THSD7B: variants seen among roughly 807,000 people sequenced by gnomAD.
THSD7B encodes thrombospondin type-1 domain-containing protein 7B.
Under a neutral mutation model 213.6 loss-of-function variants are expected in THSD7B, and 138 were observed. The observed-to-expected ratio is 0.65, with a 90% CI of 0.56 to 0.74. The LOEUF is 0.74. Ranked by LOEUF, THSD7B falls within the 30% of genes least tolerant of loss-of-function variation. The pLI is 0.00. For missense variants in THSD7B, 1,931 were observed against 1,991.5 expected (o/e 0.97, Z 0.58); for synonymous variants, 742 against 687.0 (o/e 1.08, Z -1.25).
chr2:137,045,996 G>T (rs367906717), intron 2 of THSD7B, among the ~76,000 whole-genome samples: 2 of 151,894 alleles, frequency 1.3e-5, no homozygotes, highest in East Asian at 3.9e-4. Flanking sequence ...ACAGAGAAGA[G>T]ACTTTTTCTC....
intron 12 of THSD7B, among the ~76,000 whole-genome samples, chr2:137,369,087 G>T (rs568976099): frequency 1.5e-5 from 2 of 130,538 alleles, no homozygotes; most frequent in East Asian, 2.4e-4. Flanking sequence ...ATTTGAATTT[G>T]CCATTGCCCC....
At chr2:137,034,293 A>T (rs1430820009) in intron 2 of THSD7B, among the ~76,000 whole-genome samples, 1 of 152,060 alleles carries the variant, frequency 6.6e-6, no homozygotes, top group Non-Finnish European at 1.5e-5. Flanking sequence ...TTTAGTAGAG[A>T]CGGGGTTTCA....
At chr2:137,258,687 T>A (rs1207540615) in intron 10 of THSD7B, among the ~76,000 whole-genome samples, 1 of 151,890 alleles carries the variant, frequency 6.6e-6, no homozygotes, top group Non-Finnish European at 1.5e-5. Flanking sequence ...TCTGCACATT[T>A]TTTTTTATTT....
chr2:137,566,702 G>T (rs1470850418), intron 16 of THSD7B, among the ~76,000 whole-genome samples: 4 of 152,078 alleles, frequency 2.6e-5, no homozygotes, highest in African/African-American at 9.7e-5. Flanking sequence ...TCACAACTTT[G>T]TTACATAAAA....
chr2:137,000,590 T>C (rs1043164612), intron 2 of THSD7B, among the ~76,000 whole-genome samples: 1 of 152,102 alleles, frequency 6.6e-6, no homozygotes, highest in Non-Finnish European at 1.5e-5. Flanking sequence ...TAGGTTATAA[T>C]TGGCTCTATA....
chr2:136,990,604 C>G (rs1374821898), intron 2 of THSD7B, among the ~76,000 whole-genome samples: 1 of 152,106 alleles, frequency 6.6e-6, no homozygotes, highest in Non-Finnish European at 1.5e-5. Flanking sequence ...ACACTAATTA[C>G]TCGTGATGGA....
At chr2:137,263,997 T>C (rs1405022753) in intron 10 of THSD7B, among the ~76,000 whole-genome samples, 1 of 152,252 alleles carries the variant, frequency 6.6e-6, no homozygotes, top group East Asian at 1.9e-4. Flanking sequence ...TATCCATCTG[T>C]CAAGTTTCAC....
At chr2:137,052,108 G>A (rs1459909259) in intron 2 of THSD7B, among the ~76,000 whole-genome samples, 2 of 152,146 alleles carry the variant, frequency 1.3e-5, no homozygotes, top group African/African-American at 2.4e-5. Context: ...AGTGACCTGC[G>A]AGTTCATCAG....
intron 17 of THSD7B, among the ~76,000 whole-genome samples, chr2:137,573,037 T>G (rs2105235510): frequency 6.6e-6 from 1 of 151,482 alleles, no homozygotes; most frequent in South Asian, 2.1e-4. Flanking sequence ...ATGTTTCTAC[T>G]TCTTCCAAAG....
chr2:137,083,944 T>A (rs1687792215), intron 3 of THSD7B, among the ~76,000 whole-genome samples: 1 of 152,160 alleles, frequency 6.6e-6, no homozygotes, highest in African/African-American at 2.4e-5. Flanking sequence ...ATAAAAGTAC[T>A]TTTTAACTGT....
Position 137,676,611 on chromosome 2 carries a change from AAAAG to A in THSD7B, c.*10_*13del. The A allele has an allele frequency of 5.8e-6, 9 of 1,562,276 alleles. No individual in the cohort carries two copies. Among genetic ancestry groups the A allele is most frequent in the Non-Finnish European group, 7.8e-6 (9 of 1,158,224 alleles). On this transcript the variant is annotated 3_prime_UTR_variant, in exon 28 of 28. Transcript: ENST00000409968. ...ATGGAGACTTAGACATGTAATCTGA[AAAAG>A]AAATCCAAATGTAGACATCAACTGC...
intron 12 of THSD7B, among the ~76,000 whole-genome samples, chr2:137,369,862 G>GT (rs1285045591): frequency 6.6e-6 from 1 of 152,104 alleles, no homozygotes; most frequent in Non-Finnish European, 1.5e-5. Flanking sequence ...CAAGGACTGG[G>GT]TATCTTTCTT....
intron 12 of THSD7B, among the ~76,000 whole-genome samples, chr2:137,375,591 A>G (rs1456166910): frequency 2.0e-5 from 3 of 152,250 alleles, no homozygotes; most frequent in Middle Eastern, 3.2e-3. Flanking sequence ...ATGAATATAT[A>G]TAGTATATAA....
intron 21 of THSD7B, among the ~76,000 whole-genome samples, chr2:137,645,999 CA>C (rs534650401): frequency 3.1e-4 from 47 of 151,764 alleles, no homozygotes; most frequent in South Asian, 2.1e-3. Context: ...CACTTTTCTC[CA>C]AAAAAAATGC....
At chr2:137,464,769 T>G (rs1191252686) in intron 15 of THSD7B, among the ~76,000 whole-genome samples, 3 of 152,072 alleles carry the variant, frequency 2.0e-5, no homozygotes, top group Non-Finnish European at 4.4e-5. Flanking sequence ...ATTTATTTAT[T>G]TATTTTACTG....
At chr2:137,515,289 C>T (rs1019023020) in intron 15 of THSD7B, among the ~76,000 whole-genome samples, 1 of 152,164 alleles carries the variant, frequency 6.6e-6, no homozygotes, top group African/African-American at 2.4e-5. Flanking sequence ...CATCCCCTCC[C>T]GGTCCCATGC....
chr2:137,437,055 T>C (rs956986961), intron 14 of THSD7B, among the ~76,000 whole-genome samples: 1 of 152,198 alleles, frequency 6.6e-6, no homozygotes, highest in Admixed American at 6.6e-5. Context: ...TAGTTGTTTC[T>C]ACAGTATCTC....
intron 5 of THSD7B, among the ~76,000 whole-genome samples, chr2:137,122,321 G>T (rs7595885): frequency 6.6e-6 from 1 of 152,214 alleles, no homozygotes; most frequent in East Asian, 1.9e-4. Context: ...AGAGAAAATA[G>T]GAATTTTAGG....
At chr2:136,915,104 A>G (rs1298870971) in intron 2 of THSD7B, among the ~76,000 whole-genome samples, 1 of 152,206 alleles carries the variant, frequency 6.6e-6, no homozygotes, top group Non-Finnish European at 1.5e-5. Flanking sequence ...ATGAAACATC[A>G]CAAACAGAAG....
Sources: gnomAD v4.1 joint callset for allele counts (sites outside exome capture counted in the v4.1 genomes callset) on GRCh38, gnomAD v4.1.1 for gene constraint, MANE v1.5 for transcripts, NCBI Gene and HGNC (gene_info 2026-07-23, HGNC 2026-07-21) for gene names.